Variants in EDAR observed in about 807,000 individuals in gnomAD.
The protein encoded by EDAR is tumor necrosis factor receptor superfamily member EDAR.
Under a neutral mutation model 51.3 loss-of-function variants are expected in EDAR, and 38 were observed. The observed-to-expected ratio is 0.74, with a 90% CI of 0.57 to 0.97. The LOEUF (loss-of-function observed/expected upper bound fraction) is 0.97, where lower values mean the gene tolerates loss of function less well. Among genes scored for constraint, EDAR ranks in the 50% least tolerant of loss-of-function variants. EDAR has a pLI of 0.00. For synonymous variants in EDAR, 227 were observed against 242.1 expected (o/e 0.94, Z 0.58); for missense variants, 528 against 595.0 (o/e 0.89, Z 1.17).
intron 5 of EDAR, among the ~76,000 whole-genome samples, chr2:108,921,032 T>C (rs1697127162): frequency 6.6e-6 from 1 of 152,188 alleles, no homozygotes. Context: ...CACCCAGACC[T>C]GATGAATCGG....
At chr2:108,953,718 T>C (rs1697868287) in intron 1 of EDAR, among the ~76,000 whole-genome samples, 1 of 152,012 alleles carries the variant, frequency 6.6e-6, no homozygotes, top group African/African-American at 2.4e-5. Context: ...AACAAGGACC[T>C]AAGGTAGGCT....
Position 108,896,675 on chromosome 2 carries a change from T to TCA in EDAR, c.*231_*232insTG, listed in dbSNP as rs1696599423. Reference sequence around the variant, plus strand: ...GCTGTATGAGTGAGTAGATATTTACTCTGCCTGGTGAGGTACAGGCGAGCA... The same window carrying TCA: ...GCTGTATGAGTGAGTAGATATTTACTCACTGCCTGGTGAGGTACAGGCGAGCA... On this transcript the variant is annotated 3_prime_UTR_variant, in exon 12 of 12. Coordinates refer to ENST00000258443, the MANE Select transcript of EDAR (RefSeq NM_022336.4). 1.8e-6 allele frequency: 1 copy of TCA among 558,424 alleles called. No homozygotes were observed. The highest frequency in any genetic ancestry group is 1.9e-5 in the African/African-American group (1 of 53,296). The allele number at this position is 558,424 out of a possible 1,614,324, so 34.6% of individuals were successfully genotyped here. A position where few individuals can be genotyped will look rare whatever the true frequency, so the allele number is the denominator to read the frequency against.
rs1026632908 is a variant in EDAR at position 108,971,867 on chromosome 2, G to A, written c.-19+17093C>T. On this transcript the variant is annotated intron_variant, in intron 1 of 11. Coordinates refer to ENST00000258443, the MANE Select transcript of EDAR (RefSeq NM_022336.4). ...CAACAGAAAAAAGGGCAGAAGAGACGGTGCAATTACAGAGACCAGGTCACC... is the reference window on the plus strand; with the variant it reads ...CAACAGAAAAAAGGGCAGAAGAGACAGTGCAATTACAGAGACCAGGTCACC... Among the ~76,000 whole-genome samples, 5 of 152,300 alleles carry A rather than the reference G, an allele frequency of 3.3e-5. No individual in the cohort carries two copies. The South Asian group carries it at 6.2e-4, about 19-fold the overall frequency.
At chr2:108,920,894 G>C (rs1269182104) in intron 5 of EDAR, among the ~76,000 whole-genome samples, 1 of 152,156 alleles carries the variant, frequency 6.6e-6, no homozygotes, top group Non-Finnish European at 1.5e-5. Context: ...GAGCTGCCCG[G>C]GGCAGGAGAG....
rs1213744576 is a variant in EDAR, at chr2:108,920,206, G to A, written c.442+3162C>T. Among the ~76,000 whole-genome samples, 4 of 152,314 alleles carry A rather than the reference G, an allele frequency of 2.6e-5. No individual in the cohort carries two copies. The East Asian group carries it at 5.8e-4, about 22-fold the overall frequency. On this transcript the variant is annotated intron_variant, in intron 5 of 11. Coordinates refer to ENST00000258443, the MANE Select transcript of EDAR (RefSeq NM_022336.4). ...GCTTCATCTCTGGTCAGTGCCTGGC[G>A]CCTGGCACTGGAGTAAGCACTCCAC... is the stretch of plus-strand genomic sequence containing the variant.
intron 1 of EDAR, among the ~76,000 whole-genome samples, chr2:108,937,470 TGA>T (rs1045735466): frequency 2.4e-4 from 37 of 152,236 alleles, no homozygotes; most frequent in African/African-American, 8.9e-4. Flanking sequence ...TGTGTATATG[TGA>T]GTGTGTGCAT....
chr2:108,910,705 G>A, intron 8 of EDAR, 71 bp downstream of exon 8: 1 of 1,560,704 alleles, frequency 6.4e-7, no homozygotes, highest in Non-Finnish European at 8.8e-7. Context: ...CGAGGAGGCT[G>A]CTTCTGGGAA....
intron 1 of EDAR, among the ~76,000 whole-genome samples, chr2:108,947,078 T>C (rs1697727545): frequency 6.6e-6 from 1 of 152,170 alleles, no homozygotes; most frequent in Non-Finnish European, 1.5e-5. Flanking sequence ...ATACAGCCAT[T>C]GAGTTTCCAT....
intron 1 of EDAR, among the ~76,000 whole-genome samples, chr2:108,951,592 G>A (rs1038245164): frequency 2.0e-5 from 3 of 152,092 alleles, no homozygotes; most frequent in Non-Finnish European, 4.4e-5. Flanking sequence ...ATTGGCACAG[G>A]GATAAAGGTG....
chr2:108,940,867 A>G (rs1558822064), intron 1 of EDAR, among the ~76,000 whole-genome samples: 1 of 152,168 alleles, frequency 6.6e-6, no homozygotes, highest in Non-Finnish European at 1.5e-5. Context: ...TAGTTTTAAA[A>G]CTAATCACGT....
At chr2:108,945,468 A>G (rs182781889) in intron 1 of EDAR, among the ~76,000 whole-genome samples, 1 of 152,328 alleles carries the variant, frequency 6.6e-6, no homozygotes, top group African/African-American at 2.4e-5. Context: ...TTATTAAATT[A>G]CTAAAAGGGG....
At chr2:108,937,617 TGA>T (rs1349018979) in intron 1 of EDAR, among the ~76,000 whole-genome samples, 3 of 81,296 alleles carry the variant, frequency 3.7e-5, no homozygotes, top group East Asian at 1.9e-4. Context: ...TATATGTGTG[TGA>T]GTGTCTGTAT....
intron 5 of EDAR, among the ~76,000 whole-genome samples, chr2:108,922,216 G>T (rs913964665): frequency 2.6e-5 from 4 of 152,228 alleles, no homozygotes; most frequent in Non-Finnish European, 4.4e-5. Flanking sequence ...TGAATAGGTG[G>T]GGAGTGTCTG....
intron 10 of EDAR, among the ~76,000 whole-genome samples, chr2:108,906,595 C>T (rs2105390815): frequency 6.6e-6 from 1 of 152,334 alleles, no homozygotes; most frequent in South Asian, 2.1e-4. Context: ...TTAGGCTCAG[C>T]TGGGTGGTCA....
At position 108,896,867 on chromosome 2, in the gene EDAR, C is replaced by A; in HGVS notation, c.*40G>T. The stretch of plus-strand genomic sequence containing the variant: ...CACAGCTCCAGAGCCCTCGTTGGCT[C>A]CTTGGCTTGTCCTGGGAGGACAGCC... On this transcript the variant is annotated 3_prime_UTR_variant, in exon 12 of 12. Coordinates refer to ENST00000258443, the MANE Select transcript of EDAR (RefSeq NM_022336.4). 1.3e-6 allele frequency: 2 copies of A among 1,589,988 alleles called. No individual in the cohort carries two copies. The highest frequency in any genetic ancestry group is 1.7e-6 in the Non-Finnish European group (2 of 1,166,894).
At chr2:108,947,444 G>A (rs566208979) in intron 1 of EDAR, among the ~76,000 whole-genome samples, 29 of 152,272 alleles carry the variant, frequency 1.9e-4, no homozygotes, top group African/African-American at 7.0e-4. Context: ...TCTGTGTGGG[G>A]GCTCCAACTG....
At chr2:108,919,531 TA>T (rs1697093774) in intron 5 of EDAR, among the ~76,000 whole-genome samples, 1 of 152,156 alleles carries the variant, frequency 6.6e-6, no homozygotes, top group Non-Finnish European at 1.5e-5. Flanking sequence ...GCTAATTTTG[TA>T]TTTTTAGTAG....
At chr2:108,957,492 C>T (rs1697948406) in intron 1 of EDAR, among the ~76,000 whole-genome samples, 1 of 152,214 alleles carries the variant, frequency 6.6e-6, no homozygotes, top group Non-Finnish European at 1.5e-5. Context: ...GGAGGCCCCC[C>T]AGGGGGCTGG....
intron 1 of EDAR, among the ~76,000 whole-genome samples, chr2:108,949,285 A>G (rs1459250122): frequency 1.3e-5 from 2 of 152,236 alleles, no homozygotes; most frequent in African/African-American, 4.8e-5. Context: ...CCTGGCTAAC[A>G]TAGGCTATTT....
Sources: gnomAD v4.1 joint callset for allele counts (sites outside exome capture counted in the v4.1 genomes callset) on GRCh38, gnomAD v4.1.1 for gene constraint, MANE v1.5 for transcripts, NCBI Gene and HGNC (gene_info 2026-07-23, HGNC 2026-07-21) for gene names.